The following OPHN1 variants were observed in gnomAD, a reference collection of about 807,000 sequenced individuals.
OPHN1 encodes the protein oligophrenin-1.
A neutral mutation model predicts 60.7 loss-of-function variants in OPHN1; 11 were observed. The observed-to-expected ratio is 0.18, with a 90% CI of 0.11 to 0.30. OPHN1 has a LOEUF of 0.30. OPHN1 is among the 10% of genes least tolerant of loss of function. The pLI is 1.00. For missense variants in OPHN1, 449 were observed against 611.0 expected, an observed-to-expected ratio of 0.73 and a Z score of 2.80; for synonymous variants, 226 against 222.6, an observed-to-expected ratio of 1.02 and a Z score of -0.14.
rs139961952 is a variant in OPHN1 at position 68,420,792 on chromosome X, T to C, written c.154+12075A>G. On this transcript the variant is annotated intron_variant, in intron 2 of 24. Coordinates refer to ENST00000355520, the MANE Select transcript of OPHN1 (RefSeq NM_002547.3). Reference sequence around the variant, plus strand: ...GAACGTGCATTCTTGGCAAGATGCATTGAAGAAAAAACAACTCTTTTCTTT... The same window carrying C: ...GAACGTGCATTCTTGGCAAGATGCACTGAAGAAAAAACAACTCTTTTCTTT... 8.9e-3 allele frequency among the ~76,000 whole-genome samples: 957 copies of C among 107,970 alleles called. 2 individuals are homozygous for C. The highest frequency in any genetic ancestry group is 0.024 in the Middle Eastern group (5 of 211). 93.8% of individuals were successfully genotyped at this position (107,970 alleles called of 115,157 possible).
chrX:68,103,618 A>G (rs1390767801), intron 18 of OPHN1, among the ~76,000 whole-genome samples: 3 of 37,737 alleles, frequency 7.9e-5, no homozygotes, highest in Non-Finnish European at 1.4e-4. Context: ...GATAAAATTC[A>G]ACACCCTCCA....
chrX:68,322,358 A>C (rs900139363), intron 2 of OPHN1, among the ~76,000 whole-genome samples: 2 of 111,912 alleles, frequency 1.8e-5, no homozygotes, highest in African/African-American at 6.5e-5. Flanking sequence ...ATATGACTGC[A>C]CAAAATCCTC....
At chrX:68,386,426 A>G (rs2078624778) in intron 2 of OPHN1, among the ~76,000 whole-genome samples, 1 of 112,223 alleles carries the variant, frequency 8.9e-6, no homozygotes, top group African/African-American at 3.2e-5. Flanking sequence ...TACAATGAAT[A>G]AACCTTTTCT....
At chrX:68,148,262 T>C (rs2077271693) in intron 15 of OPHN1, among the ~76,000 whole-genome samples, 1 of 110,921 alleles carries the variant, frequency 9.0e-6, no homozygotes, top group Non-Finnish European at 1.9e-5. Flanking sequence ...AAAAGAAGAG[T>C]TAGCAATAAA....
intron 2 of OPHN1, among the ~76,000 whole-genome samples, chrX:68,347,038 T>G (rs189371984): frequency 8.9e-6 from 1 of 111,914 alleles, no homozygotes; most frequent in East Asian, 2.8e-4. Context: ...TGCTATAATA[T>G]GTCAGAGGAA....
chrX:68,299,237 A>G, intron 2 of OPHN1, 141 bp from the exon 3 acceptor site: 1 of 385,124 alleles, frequency 2.6e-6, no homozygotes. Context: ...AAATAAAACA[A>G]AAGATTAGAT....
intron 15 of OPHN1, among the ~76,000 whole-genome samples, chrX:68,170,901 G>A (rs1221170211): frequency 3.7e-5 from 4 of 108,921 alleles, no homozygotes; most frequent in Non-Finnish European, 5.7e-5. Flanking sequence ...ACTGCACATT[G>A]TGCACATGTA....
chrX:68,317,534 A>T (rs2078211649), intron 2 of OPHN1, among the ~76,000 whole-genome samples: 1 of 76,429 alleles, frequency 1.3e-5, no homozygotes, highest in Non-Finnish European at 2.3e-5. Flanking sequence ...AAAGAAAGAA[A>T]GAAAAAAAGA....
intron 2 of OPHN1, among the ~76,000 whole-genome samples, chrX:68,299,298 G>A (rs1472641020): frequency 9.0e-6 from 1 of 111,573 alleles, no homozygotes; most frequent in Non-Finnish European, 1.9e-5. Context: ...GAAAGGATGG[G>A]GCATCTCAGT....
At chrX:68,109,817 C>T (rs1282804487) in intron 18 of OPHN1, among the ~76,000 whole-genome samples, 1 of 110,885 alleles carries the variant, frequency 9.0e-6, no homozygotes, top group Non-Finnish European at 1.9e-5. Flanking sequence ...TAGAGATCTT[C>T]CTCATTCTTT....
At chrX:68,098,440 C>T (rs1293712840) in intron 18 of OPHN1, among the ~76,000 whole-genome samples, 1 of 111,281 alleles carries the variant, frequency 9.0e-6, no homozygotes, top group East Asian at 2.9e-4. Flanking sequence ...CAACTGACTA[C>T]CCGAAACACT....
chrX:68,165,715 T>G (rs2077355099), intron 15 of OPHN1, among the ~76,000 whole-genome samples: 1 of 112,055 alleles, frequency 8.9e-6, no homozygotes, highest in Non-Finnish European at 1.9e-5. Flanking sequence ...ATCGCCACAG[T>G]GCTTCAATTT....
chrX:68,363,339 C>A (rs891588151), intron 2 of OPHN1, among the ~76,000 whole-genome samples: 3 of 111,087 alleles, frequency 2.7e-5, no homozygotes, highest in Non-Finnish European at 5.7e-5. Flanking sequence ...GACAGAGTTT[C>A]ACTCTTGTCA....
intron 19 of OPHN1, among the ~76,000 whole-genome samples, chrX:68,081,857 T>A (rs2076975709): frequency 9.0e-6 from 1 of 111,312 alleles, no homozygotes; most frequent in African/African-American, 3.3e-5. Flanking sequence ...CAAAAAAAAA[T>A]TTCTCTGTAG....
At chrX:68,108,614 A>T (rs923231486) in intron 18 of OPHN1, among the ~76,000 whole-genome samples, 5 of 111,260 alleles carry the variant, frequency 4.5e-5, no homozygotes, top group African/African-American at 1.6e-4. Flanking sequence ...GTTAAATTAT[A>T]TTACTACTAT....
intron 10 of OPHN1, among the ~76,000 whole-genome samples, chrX:68,202,549 G>C (rs1235307230): frequency 2.7e-5 from 3 of 109,610 alleles, no homozygotes; most frequent in Non-Finnish European, 5.7e-5. Flanking sequence ...ACTCAGACTA[G>C]AATACAGTAG....
intron 15 of OPHN1, among the ~76,000 whole-genome samples, chrX:68,166,756 T>C (rs1291150680): frequency 9.0e-6 from 1 of 111,723 alleles, no homozygotes; most frequent in East Asian, 2.8e-4. Context: ...GAACTCATTA[T>C]TGATAAAGGT....
intron 11 of OPHN1, among the ~76,000 whole-genome samples, chrX:68,198,351 G>A: frequency 9.0e-6 from 1 of 111,556 alleles, no homozygotes; most frequent in East Asian, 2.8e-4. Flanking sequence ...CTTGGAAACA[G>A]AGACCAGGCC....
chrX:68,322,985 G>A (rs1490245527), intron 2 of OPHN1, among the ~76,000 whole-genome samples: 1 of 111,631 alleles, frequency 9.0e-6, no homozygotes, highest in Non-Finnish European at 1.9e-5. Context: ...GAAATGGAGA[G>A]CATGTTCTTA....
Sources: allele counts gnomAD v4.1 joint callset (sites outside exome capture counted in the v4.1 genomes callset), GRCh38; gene constraint gnomAD v4.1.1; transcripts MANE v1.5; gene names NCBI Gene and HGNC (gene_info 2026-07-23, HGNC 2026-07-21).